Variants in SEMA5A observed in about 807,000 individuals in gnomAD.
SEMA5A encodes semaphorin 5A.
Under a neutral mutation model 135.5 loss-of-function variants are expected in SEMA5A, and 55 were observed. The ratio of observed to expected loss-of-function variants is 0.41; its 90% CI spans 0.33 to 0.51. The LOEUF is 0.51. Ranked by LOEUF, SEMA5A falls within the 20% of genes least tolerant of loss-of-function variation. The probability of loss-of-function intolerance (pLI) is 0.37; values close to 1 mark genes in which losing one functional copy is unlikely to be tolerated. For missense variants in SEMA5A, 1,290 were observed against 1,419.9 expected (o/e 0.91, Z 1.47); for synonymous variants, 580 against 546.5 (o/e 1.06, Z -0.85).
chr5:9,178,401 T>C (rs1270762216), intron 11 of SEMA5A, among the ~76,000 whole-genome samples: 1 of 150,788 alleles, frequency 6.6e-6, no homozygotes, highest in African/African-American at 2.4e-5. Context: ...GGTGCAGTCT[T>C]GGGTCACTGC....
chr5:9,292,763 A>G (rs1171362377), intron 5 of SEMA5A, among the ~76,000 whole-genome samples: 3 of 152,168 alleles, frequency 2.0e-5, no homozygotes, highest in African/African-American at 7.2e-5. Context: ...TATTGTGTAG[A>G]CCAGGGTTTC....
At chr5:9,335,008 C>G (rs1172614473) in intron 4 of SEMA5A, among the ~76,000 whole-genome samples, 1 of 151,940 alleles carries the variant, frequency 6.6e-6, no homozygotes, top group Non-Finnish European at 1.5e-5. Flanking sequence ...GATGAGGACT[C>G]CAGGGATATT....
intron 11 of SEMA5A, among the ~76,000 whole-genome samples, chr5:9,181,164 C>G (rs1003912919): frequency 1.3e-5 from 2 of 152,148 alleles, no homozygotes; most frequent in African/African-American, 4.8e-5. Context: ...ACCTCTGCCC[C>G]CAACCCTTGT....
chr5:9,365,643 T>C (rs1034059786), intron 3 of SEMA5A, among the ~76,000 whole-genome samples: 1 of 152,190 alleles, frequency 6.6e-6, no homozygotes, highest in African/African-American at 2.4e-5. Context: ...GGTGGTTTTT[T>C]TCCATTCTCC....
intron 2 of SEMA5A, among the ~76,000 whole-genome samples, chr5:9,410,735 TAGAG>T (rs1378005878): frequency 1.3e-5 from 2 of 151,850 alleles, no homozygotes; most frequent in Non-Finnish European, 2.9e-5. Context: ...GGAGGAATCT[TAGAG>T]AGCGGGTCAA....
intron 17 of SEMA5A, among the ~76,000 whole-genome samples, chr5:9,064,230 G>A (rs1737334945): frequency 6.6e-6 from 1 of 152,136 alleles, no homozygotes; most frequent in Admixed American, 6.5e-5. Context: ...CATTTTATGT[G>A]GTCAGAGGAA....
chr5:9,268,110 T>A (rs1749777266), intron 5 of SEMA5A, among the ~76,000 whole-genome samples: 2 of 152,154 alleles, frequency 1.3e-5, no homozygotes, highest in South Asian at 4.1e-4. Context: ...TAGTAGTTGG[T>A]TCTTGTTGTT....
At chr5:9,136,079 T>C (rs1741724383) in intron 13 of SEMA5A, among the ~76,000 whole-genome samples, 1 of 152,140 alleles carries the variant, frequency 6.6e-6, no homozygotes, top group Non-Finnish European at 1.5e-5. Flanking sequence ...GAAAGTAATA[T>C]CCTTTAGTTT....
At chr5:9,077,639 G>C (rs753273646) in intron 16 of SEMA5A, among the ~76,000 whole-genome samples, 2 of 152,062 alleles carry the variant, frequency 1.3e-5, no homozygotes. Context: ...TTTGCAAGGC[G>C]GTCTCCCAAG....
chr5:9,510,008 A>G (rs1579657935), intron 1 of SEMA5A, among the ~76,000 whole-genome samples: 1 of 152,236 alleles, frequency 6.6e-6, no homozygotes, highest in Non-Finnish European at 1.5e-5. Context: ...CAGATTTTAC[A>G]TGGGGATAGA....
At chr5:9,395,411 T>C (rs1756346809) in intron 2 of SEMA5A, among the ~76,000 whole-genome samples, 1 of 152,222 alleles carries the variant, frequency 6.6e-6, no homozygotes, top group Non-Finnish European at 1.5e-5. Context: ...ATGTGTGGCG[T>C]ACAGGTGTAG....
At chr5:9,156,982 C>T (rs764519642) in intron 11 of SEMA5A, among the ~76,000 whole-genome samples, 1 of 152,186 alleles carries the variant, frequency 6.6e-6, no homozygotes. Context: ...TTTCTGCATA[C>T]CTTGTATCTG....
chr5:9,122,892 T>C, intron 13 of SEMA5A, 55 bp from the exon 14 acceptor site: 1 of 1,416,646 alleles, frequency 7.1e-7, no homozygotes, highest in Non-Finnish European at 9.5e-7. Context: ...GAACACATAA[T>C]GGAGTAAAAA....
intron 8 of SEMA5A, among the ~76,000 whole-genome samples, chr5:9,220,777 T>G (rs572849104): frequency 6.6e-6 from 1 of 152,292 alleles, no homozygotes; most frequent in African/African-American, 2.4e-5. Flanking sequence ...GAGGCAACAA[T>G]GTCATCCTTC....
chr5:9,361,681 A>G (rs1478362123), intron 3 of SEMA5A, among the ~76,000 whole-genome samples: 1 of 152,166 alleles, frequency 6.6e-6, no homozygotes, highest in Non-Finnish European at 1.5e-5. Flanking sequence ...GACCATATTG[A>G]TGCTACTAGG....
At chr5:9,066,164 C>T (rs1737451300) in intron 17 of SEMA5A, among the ~76,000 whole-genome samples, 2 of 152,200 alleles carry the variant, frequency 1.3e-5, no homozygotes, top group African/African-American at 2.4e-5. Context: ...ACAAATGATT[C>T]TGGGTCTATA....
In SEMA5A at chr5:9,468,433, G is replaced by A. The variant is rs566272439; in HGVS notation, c.-174-30581C>T. Among the ~76,000 whole-genome samples the A allele has an allele frequency of 3.2e-4, 48 of 152,144 alleles. 1 individual carries two copies. The highest frequency in any genetic ancestry group is 2.6e-4 in the Admixed American group (4 of 15,288). On this transcript the variant is annotated intron_variant, in intron 1 of 22. Coordinates refer to ENST00000382496, the MANE Select transcript of SEMA5A (RefSeq NM_003966.3). The stretch of plus-strand genomic sequence containing the variant: ...GTTAACCTAAAAAGTGTAGGTTTGC[G>A]AACTAAACAGTCCTTAGTGGGGGTT...
chr5:9,174,392 G>A (rs571000874), intron 11 of SEMA5A, among the ~76,000 whole-genome samples: 50 of 152,222 alleles, frequency 3.3e-4, no homozygotes, highest in Admixed American at 5.9e-4. Context: ...AAGGTATCTT[G>A]GTATCCTCAT....
chr5:9,163,264 TA>T (rs3839317), intron 11 of SEMA5A, among the ~76,000 whole-genome samples: 20,913 of 146,610 alleles, frequency 0.14, 2,051 homozygotes, highest in African/African-American at 0.27. Flanking sequence ...CTGTTTCATT[TA>T]AAAAAAAAAA....
Sources: allele counts gnomAD v4.1 joint callset (sites outside exome capture counted in the v4.1 genomes callset), GRCh38; gene constraint gnomAD v4.1.1; transcripts MANE v1.5; gene names NCBI Gene and HGNC (gene_info 2026-07-23, HGNC 2026-07-21).